Variants in HGD observed in about 807,000 individuals in gnomAD.
HGD encodes the protein homogentisate 1,2-dioxygenase.
Under a neutral mutation model 60.8 loss-of-function variants are expected in HGD, and 61 were observed. The ratio of observed to expected loss-of-function variants is 1.00; its 90% CI spans 0.82 to 1.24. The LOEUF is 1.24. Ranked by LOEUF, HGD falls within the 50% of genes most tolerant of loss-of-function variation. The probability of loss-of-function intolerance (pLI) is 0.00; values close to 1 mark genes in which losing one functional copy is unlikely to be tolerated. For synonymous variants in HGD, 212 were observed against 187.7 expected (o/e 1.13, Z -1.06); for missense variants, 542 against 547.1 (o/e 0.99, Z 0.09).
intron 2 of HGD, among the ~76,000 whole-genome samples, chr3:120,675,353 A>AT (rs1179272936): frequency 4.7e-5 from 7 of 150,492 alleles, no homozygotes; most frequent in African/African-American, 7.4e-5. Flanking sequence ...AGAAATGAGG[A>AT]TTTTTTTATG....
intron 4 of HGD, among the ~76,000 whole-genome samples, chr3:120,665,547 TATTA>T (rs1252032684): frequency 6.6e-6 from 1 of 152,348 alleles, no homozygotes; most frequent in Non-Finnish European, 1.5e-5. Context: ...TTATGTGAGG[TATTA>T]ATTAATTGAA....
intron 4 of HGD, among the ~76,000 whole-genome samples, chr3:120,652,942 T>A (rs2551605): frequency 0.71 from 107,887 of 152,138 alleles, 39,111 homozygotes; most frequent in Middle Eastern, 0.81. Flanking sequence ...CATTGCTTCC[T>A]TTTTTAGAAG....
chr3:120,669,447 G>GCACACACACACACACA (rs59426684), intron 4 of HGD, among the ~76,000 whole-genome samples: 5 of 145,620 alleles, frequency 3.4e-5, no homozygotes, highest in African/African-American at 1.0e-4. Context: ...GTGCGCATGT[G>GCACACACACACACACA]CACACACACA....
At chr3:120,647,165 T>C in intron 7 of HGD, 113 bp from the exon 8 acceptor site, 1 of 791,880 alleles carries the variant, frequency 1.3e-6, no homozygotes, top group South Asian at 1.4e-5. Flanking sequence ...GCAAAGAGCT[T>C]TATTGAGTCT....
intron 4 of HGD, among the ~76,000 whole-genome samples, chr3:120,666,516 C>T (rs528819409): frequency 6.6e-6 from 1 of 152,034 alleles, no homozygotes; most frequent in African/African-American, 2.4e-5. Flanking sequence ...GAGTTTTGCT[C>T]TTGTTGCCCA....
intron 1 of HGD, 39 bp downstream of exon 1, chr3:120,682,058 C>T (rs907230592): frequency 3.8e-5 from 61 of 1,607,570 alleles, no homozygotes; most frequent in Non-Finnish European, 5.0e-5. Context: ...TAAATTTTGG[C>T]TGAAGAAGCC....
chr3:120,634,596 A>C (rs372141735), intron 12 of HGD, among the ~76,000 whole-genome samples: 15 of 152,278 alleles, frequency 9.9e-5, no homozygotes, highest in African/African-American at 3.6e-4. Context: ...TAACAACAAC[A>C]ACAACAACAT....
Position 120,638,440 on chromosome 3 carries a change from A to G in HGD, c.1006+15T>C, listed in dbSNP as rs946146803. The G allele has an allele frequency of 2.5e-6, 4 of 1,613,536 alleles. No individual in the cohort carries two copies. Among genetic ancestry groups the G allele is most frequent in the Non-Finnish European group, 3.4e-6 (4 of 1,179,716 alleles). On this transcript the variant is annotated intron_variant, in intron 12 of 13. Transcript: ENST00000283871. ...CTTTGGCTTGCAAATGTGGCTTGGT[A>G]AAAGAGAGACTTACTATGGTAATAA...
intron 1 of HGD, among the ~76,000 whole-genome samples, chr3:120,680,774 T>G (rs1033050040): frequency 6.6e-6 from 1 of 152,208 alleles, no homozygotes; most frequent in African/African-American, 2.4e-5. Context: ...GACACAGTTT[T>G]GGATTCTAGA....
At position 120,675,004 on chromosome 3, in the gene HGD, G is replaced by A; in HGVS notation, c.88-15C>T. The A allele has an allele frequency of 1.3e-6, 2 of 1,566,754 alleles. No individual in the cohort carries two copies. The highest frequency in any genetic ancestry group is 1.8e-6 in the Non-Finnish European group (2 of 1,137,562). On this transcript the variant is annotated splice_polypyrimidine_tract_variant and intron_variant, in intron 2 of 13. Coordinates refer to ENST00000283871, the MANE Select transcript of HGD (RefSeq NM_000187.4). The stretch of plus-strand genomic sequence containing the variant: ...TGAGGATTATTCTGAAACAAAGGAT[G>A]CAATAAACAATATTACTCCCATCCG...
chr3:120,632,002 T>G (rs1424682050), intron 13 of HGD, among the ~76,000 whole-genome samples: 2 of 152,334 alleles, frequency 1.3e-5, no homozygotes, highest in East Asian at 3.9e-4. Flanking sequence ...CCTCCAGGAC[T>G]GCACCTCCAG....
chr3:120,629,661 A>T (rs1277719139), intron 13 of HGD, among the ~76,000 whole-genome samples: 1 of 152,236 alleles, frequency 6.6e-6, no homozygotes, highest in Admixed American at 6.5e-5. Context: ...ACAAACCCAC[A>T]GCCAACATCA....
At chr3:120,645,304 G>A (rs1353902166) in intron 9 of HGD, among the ~76,000 whole-genome samples, 2 of 152,158 alleles carry the variant, frequency 1.3e-5, no homozygotes, top group Non-Finnish European at 2.9e-5. Context: ...GCCTCTTGCT[G>A]CCTCCCACCT....
rs1443255721 is a variant in HGD at position 120,636,787 on chromosome 3, C to CCTGATGCT, written c.1006+1660_1006+1667dup. ...TACGTCCATCCTAAGGGCCTTCATT[C>CCTGATGCT]CTGATGCTATAAAATAGCTAAATTG... On this transcript the variant is annotated intron_variant, in intron 12 of 13. Transcript: ENST00000283871. 3.9e-5 allele frequency among the ~76,000 whole-genome samples: 6 copies of CCTGATGCT among 152,282 alleles called. No homozygotes were observed. The East Asian group carries it at 1.2e-3, about 29-fold the overall frequency.
At chr3:120,662,380 GA>G (rs1707793244) in intron 4 of HGD, among the ~76,000 whole-genome samples, 1 of 151,966 alleles carries the variant, frequency 6.6e-6, no homozygotes, top group Non-Finnish European at 1.5e-5. Flanking sequence ...GTAGGAAAAG[GA>G]AAAAAGGAAC....
intron 12 of HGD, among the ~76,000 whole-genome samples, chr3:120,635,863 T>A (rs1940754929): frequency 6.6e-6 from 1 of 152,126 alleles, no homozygotes; most frequent in Admixed American, 6.5e-5. Context: ...CTTGTCTAAA[T>A]CAGATGACTC....
intron 3 of HGD, chr3:120,674,666 A>C: frequency 2.1e-6 from 1 of 476,424 alleles, no homozygotes; most frequent in Non-Finnish European, 3.9e-6. Flanking sequence ...TGTAAATGGA[A>C]CTGGACATGT....
In HGD at chr3:120,628,498, G is replaced by A. The variant is rs764414572; in HGVS notation, c.1220C>T (p.Ala407Val). 13 of 1,613,878 alleles carry A rather than the reference G, an allele frequency of 8.1e-6. No homozygotes were observed. Among genetic ancestry groups the A allele is most frequent in the South Asian group, 3.3e-5 (3 of 91,088 alleles). ...AFMFESSLSL[A>V]VTKWGLKASR... ...GGCCTTGAGTCCCCACTTTGTGACC[G>A]CCAGACTTAAAGATGATTCAAACAT... Residue 407 changes from alanine (A) to valine (V), a missense_variant, in exon 14 of 14, where the codon GCG becomes GTG. Ala to Val is a moderately conservative substitution (Grantham distance 64). Around this residue, in one of 2 missense-constraint regions of HGD, gnomAD observed 537 missense variants for 529.1 expected, o/e 1.01. Transcript: ENST00000283871.
intron 4 of HGD, among the ~76,000 whole-genome samples, chr3:120,653,474 G>A (rs112151640): frequency 0.024 from 3,623 of 152,248 alleles, 127 homozygotes; most frequent in African/African-American, 0.083. Context: ...AGGTGGGCTT[G>A]GCAGGGCCTC....
Sources: gnomAD v4.1 joint callset for allele counts (sites outside exome capture counted in the v4.1 genomes callset) on GRCh38, gnomAD v4.1.1 for gene constraint, gnomAD v4.1.1 regional missense constraint, MANE v1.5 for transcripts, NCBI Gene and HGNC (gene_info 2026-07-23, HGNC 2026-07-21) for gene names.